Variants in GOLGA1 observed in about 807,000 individuals in gnomAD.
The protein encoded by GOLGA1 is golgin A1.
In GOLGA1, 63 loss-of-function variants were observed where a neutral mutation model predicts 119.7. The observed-to-expected ratio is 0.53, with a 90% CI of 0.43 to 0.65. The LOEUF (loss-of-function observed/expected upper bound fraction) is 0.65, where lower values mean the gene tolerates loss of function less well. Among genes scored for constraint, GOLGA1 ranks in the 30% least tolerant of loss-of-function variants. The pLI, the probability that GOLGA1 is intolerant of heterozygous loss-of-function variation, is 0.00. For synonymous variants in GOLGA1, 318 were observed against 333.4 expected (o/e 0.95, Z 0.50); for missense variants, 798 against 912.8 (o/e 0.87, Z 1.62).
In GOLGA1 at chr9:124,880,485, A is replaced by C. The variant is rs371031789; in HGVS notation, c.*45T>G. The C allele has an allele frequency of 9.4e-6, 10 of 1,063,386 alleles. No individual in the cohort carries two copies. Among genetic ancestry groups the C allele is most frequent in the African/African-American group, 1.6e-5 (1 of 64,464 alleles). 65.9% of individuals were successfully genotyped at this position (1,063,386 alleles called of 1,614,324 possible). A position where few individuals can be genotyped will look rare whatever the true frequency, so the allele number is the denominator to read the frequency against. On this transcript the variant is annotated 3_prime_UTR_variant, in exon 23 of 23. Transcript: ENST00000373555. ...ACTGGTGTGTCAGTGTTCTTTTCAC[A>C]GAAAAAGTGTCAACCCACGGAGCTC...
chr9:124,936,609 TAA>T (rs763476641), intron 3 of GOLGA1, among the ~76,000 whole-genome samples: 10 of 127,042 alleles, frequency 7.9e-5, no homozygotes, highest in Non-Finnish European at 1.0e-4. Flanking sequence ...CCAGGCAAAT[TAA>T]AAAAAAAAAA....
At chr9:124,880,662 A>G (rs1356209854) in intron 22 of GOLGA1, 52 bp from the exon 23 acceptor site, 4 of 1,151,220 alleles carry the variant, frequency 3.5e-6, no homozygotes, top group Non-Finnish European at 5.3e-6. Context: ...ACTTGGTGCC[A>G]GGGAAACTGA....
intron 20 of GOLGA1, 131 bp from the exon 21 acceptor site, chr9:124,882,085 C>T: frequency 1.5e-6 from 1 of 649,716 alleles, no homozygotes; most frequent in South Asian, 2.1e-5. Context: ...GGGAAGGAAG[C>T]ACCTCCAGGT....
intron 10 of GOLGA1, among the ~76,000 whole-genome samples, chr9:124,915,371 A>G (rs1296429806): frequency 6.6e-6 from 1 of 152,190 alleles, no homozygotes; most frequent in Non-Finnish European, 1.5e-5. Context: ...GTAAATGCTC[A>G]GCTATTCTTG....
intron 20 of GOLGA1, among the ~76,000 whole-genome samples, 185 bp downstream of exon 20, chr9:124,882,325 G>A (rs1217940634): frequency 1.3e-5 from 2 of 152,226 alleles, no homozygotes; most frequent in African/African-American, 4.8e-5. Context: ...CCACGGAGCT[G>A]CTTCAGAGGT....
chr9:124,921,001 C>A, intron 10 of GOLGA1, 128 bp downstream of exon 10: 1 of 657,772 alleles, frequency 1.5e-6, no homozygotes, highest in Non-Finnish European at 2.7e-6. Context: ...CTGGCTAGTA[C>A]AGGAAATGGA....
chr9:124,899,539 G>C (rs997063023), intron 13 of GOLGA1, 61 bp from the exon 14 acceptor site: 1 of 1,473,520 alleles, frequency 6.8e-7, no homozygotes, highest in Non-Finnish European at 9.2e-7. Flanking sequence ...GGGGATCTTA[G>C]TCTGGCCCTA....
At chr9:124,880,726 T>C in intron 22 of GOLGA1, 116 bp from the exon 23 acceptor site, 1 of 699,640 alleles carries the variant, frequency 1.4e-6, no homozygotes, top group African/African-American at 1.7e-5. Context: ...ACATCCTGCC[T>C]CTGGCTCTGA....
Position 124,888,466 on chromosome 9 carries a change from A to ACG in GOLGA1, c.1762-71_1762-70insCG. 1.4e-6 allele frequency: 2 copies of ACG among 1,424,948 alleles called. No individual in the cohort carries two copies. Among genetic ancestry groups the ACG allele is most frequent in the Non-Finnish European group, 2.0e-6 (2 of 1,012,554 alleles). The allele number at this position is 1,424,948 out of a possible 1,614,324, so 88.3% of individuals were successfully genotyped here. On this transcript the variant is annotated intron_variant, in intron 18 of 22. Coordinates refer to ENST00000373555, the MANE Select transcript of GOLGA1 (RefSeq NM_002077.4). The surrounding 1 kb of genome is among the most constrained non-coding windows in gnomAD (Gnocchi z 4.4). ...GAAGCTGAGCCACAGGTACACAGGGAAGGGGAGCTAGACTCGTCCCTTAGG... is the reference window on the plus strand; with the variant it reads ...GAAGCTGAGCCACAGGTACACAGGGACGAGGGGAGCTAGACTCGTCCCTTAGG...
Position 124,889,059 on chromosome 9 carries a change from C to A in GOLGA1, c.1761+84G>T, listed in dbSNP as rs182396449. The A allele has an allele frequency of 2.6e-4, 274 of 1,071,934 alleles. No homozygotes were observed. The African/African-American group carries it at 4.1e-3, about 16-fold the overall frequency. 66.4% of individuals were successfully genotyped at this position (1,071,934 alleles called of 1,614,324 possible). On this transcript the variant is annotated intron_variant, in intron 18 of 22. Transcript: ENST00000373555. ...GGGGAGCGTCGTGTCCACCATGTGT[C>A]CCCACTGCTGCCTCCTTAGGGGCAC...
intron 10 of GOLGA1, among the ~76,000 whole-genome samples, chr9:124,913,607 T>C (rs938152713): frequency 1.3e-5 from 2 of 152,212 alleles, no homozygotes; most frequent in Admixed American, 1.3e-4. Flanking sequence ...ACAACAGAGA[T>C]AGTGGAGGGG....
intron 7 of GOLGA1, among the ~76,000 whole-genome samples, chr9:124,926,491 G>A (rs1385346420): frequency 6.6e-6 from 1 of 152,170 alleles, no homozygotes; most frequent in Non-Finnish European, 1.5e-5. Context: ...GGGAAGAGAG[G>A]AGGAGTGCAG....
chr9:124,917,653 T>C (rs1231421349), intron 10 of GOLGA1, among the ~76,000 whole-genome samples: 1 of 152,178 alleles, frequency 6.6e-6, no homozygotes, highest in Non-Finnish European at 1.5e-5. Context: ...TAATCTGTTA[T>C]TCTCTCTTAT....
At chr9:124,937,998 G>A (rs2131542617) in intron 3 of GOLGA1, among the ~76,000 whole-genome samples, 1 of 151,146 alleles carries the variant, frequency 6.6e-6, no homozygotes, top group South Asian at 2.1e-4. Context: ...CACGAGAATT[G>A]CTTGAGCCCC....
intron 19 of GOLGA1, among the ~76,000 whole-genome samples, chr9:124,885,322 CA>C (rs34689664): frequency 2.3e-4 from 33 of 141,916 alleles, no homozygotes; most frequent in Admixed American, 3.5e-4. Flanking sequence ...GACTCCATCT[CA>C]AAAAAAAAAA....
At chr9:124,945,158 G>A (rs1050001177), upstream of GOLGA1, 1 of 149,726 alleles carries the variant, frequency 6.7e-6, no homozygotes, top group Non-Finnish European at 1.5e-5. Flanking sequence ...AAGTGAGTTT[G>A]TAGTTTTAAT....
intron 13 of GOLGA1, among the ~76,000 whole-genome samples, chr9:124,899,959 C>A (rs1830065914): frequency 6.6e-6 from 1 of 152,244 alleles, no homozygotes; most frequent in African/African-American, 2.4e-5. Flanking sequence ...GTGCATAATT[C>A]TCAGGTCTCC....
chr9:124,917,610 T>C (rs994541163), intron 10 of GOLGA1, among the ~76,000 whole-genome samples: 11 of 152,208 alleles, frequency 7.2e-5, no homozygotes, highest in African/African-American at 1.9e-4. Flanking sequence ...GCTTCCTAAG[T>C]GGAAGACCCT....
At chr9:124,905,407 A>T (rs1312358249) in intron 12 of GOLGA1, among the ~76,000 whole-genome samples, 1 of 152,158 alleles carries the variant, frequency 6.6e-6, no homozygotes, top group Non-Finnish European at 1.5e-5. Flanking sequence ...GGTTGCAGTG[A>T]GCCGAGATCA....
Sources: allele counts gnomAD v4.1 joint callset (sites outside exome capture counted in the v4.1 genomes callset), GRCh38; gene constraint gnomAD v4.1.1; non-coding constraint Gnocchi (gnomAD v3.1); transcripts MANE v1.5; gene names NCBI Gene and HGNC (gene_info 2026-07-23, HGNC 2026-07-21).